Variants in NBEA observed in about 807,000 individuals in gnomAD.
The protein encoded by NBEA is lysosomal-trafficking regulator 2.
NBEA carries 44 observed loss-of-function variants against 343.4 expected under a neutral mutation model. The ratio of observed to expected loss-of-function variants is 0.13; its 90% CI spans 0.10 to 0.16. The LOEUF (loss-of-function observed/expected upper bound fraction) is 0.16. NBEA is among the 10% of genes least tolerant of loss of function. The pLI is 1.00. For missense variants in NBEA, 2,555 were observed against 3,631.3 expected, an observed-to-expected ratio of 0.70 and a Z score of 7.62; for synonymous variants, 1,175 against 1,238.7, an observed-to-expected ratio of 0.95 and a Z score of 1.08.
At chr13:35,332,280 G>A (rs2038970537) in intron 36 of NBEA, among the ~76,000 whole-genome samples, 1 of 152,008 alleles carries the variant, frequency 6.6e-6, no homozygotes, top group Admixed American at 6.6e-5. Context: ...GATTGGGAGA[G>A]GTCTCTTAGC....
In NBEA at chr13:35,159,180, A is replaced by G; in HGVS notation, c.3009A>G (p.Ile1003Met). The G allele has an allele frequency of 6.2e-7, 1 of 1,613,616 alleles. No individual in the cohort carries two copies. Among genetic ancestry groups the G allele is most frequent in the Non-Finnish European group, 8.5e-7 (1 of 1,179,650 alleles). ...GAKGGMEIRE[I>M]EDLSQSQSPE... ...AAGGTGGAATGGAAATTCGAGAGAT[A>G]GAAGATCTTTCACAAAGCCAGAGCC... is the stretch of plus-strand genomic sequence containing the variant. The change falls in exon 22 of 59, where the codon ATA becomes ATG. Residue 1003 changes from isoleucine (I) to methionine (M), a missense_variant. Ile to Met is a conservative substitution (Grantham distance 10, BLOSUM62 1). Transcript: ENST00000379939.
In NBEA at chr13:35,606,471, A is replaced by G. The variant is rs1471684022; in HGVS notation, c.7342A>G (p.Ser2448Gly). The change falls in exon 48 of 59, where the codon AGT becomes GGT. Residue 2448 changes from serine to glycine, a missense_variant. Coordinates refer to ENST00000379939, the MANE Select transcript of NBEA (RefSeq NM_001385012.1). ...CTACCTACCAGAGATGTTTGTCAACAGTAATGGATATAATCTTGGAGTCAG... is the reference window on the plus strand; with the variant it reads ...CTACCTACCAGAGATGTTTGTCAACGGTAATGGATATAATCTTGGAGTCAG... ...FYYLPEMFVN[S>G]NGYNLGVRED... 4 of 1,585,894 alleles carry G rather than the reference A, an allele frequency of 2.5e-6. No homozygotes were observed. Among genetic ancestry groups the G allele is most frequent in the African/African-American group, 1.3e-5 (1 of 74,506 alleles).
At chr13:35,466,090 G>C (rs906516019) in intron 40 of NBEA, among the ~76,000 whole-genome samples, 1 of 152,086 alleles carries the variant, frequency 6.6e-6, no homozygotes, top group African/African-American at 2.4e-5. Flanking sequence ...GTCTGTTTTA[G>C]ACTGTGCTAA....
At chr13:35,344,594 A>G (rs1294601744) in intron 36 of NBEA, among the ~76,000 whole-genome samples, 4 of 152,072 alleles carry the variant, frequency 2.6e-5, no homozygotes, top group African/African-American at 9.6e-5. Flanking sequence ...TATAACCAAA[A>G]CTAATTAGAA....
chr13:35,156,775 A>G (rs1367388779), intron 20 of NBEA, among the ~76,000 whole-genome samples: 1 of 152,198 alleles, frequency 6.6e-6, no homozygotes, highest in Non-Finnish European at 1.5e-5. Context: ...TAAAGCAATG[A>G]TTAATGTATA....
chr13:35,663,405 A>G (rs1432254774), intron 55 of NBEA, among the ~76,000 whole-genome samples: 1 of 152,180 alleles, frequency 6.6e-6, no homozygotes, highest in Non-Finnish European at 1.5e-5. Flanking sequence ...ACTTAACCTC[A>G]TGTCCTTCAG....
intron 10 of NBEA, among the ~76,000 whole-genome samples, chr13:35,091,327 A>T (rs1017458822): frequency 6.6e-6 from 1 of 152,014 alleles, no homozygotes; most frequent in Admixed American, 6.6e-5. Context: ...AGAACTGAAA[A>T]TATCAGGGAT....
intron 1 of NBEA, among the ~76,000 whole-genome samples, chr13:34,953,802 G>A (rs1368630241): frequency 6.6e-6 from 1 of 152,208 alleles, no homozygotes; most frequent in East Asian, 1.9e-4. Flanking sequence ...GTTAGGAACT[G>A]GGCCGCACAG....
At chr13:35,257,078 A>G (rs911988658) in intron 34 of NBEA, among the ~76,000 whole-genome samples, 3 of 152,220 alleles carry the variant, frequency 2.0e-5, no homozygotes, top group Non-Finnish European at 4.4e-5. Context: ...CAGATGGGCC[A>G]CTGCTGCCAT....
Position 34,942,786 on chromosome 13 carries a change from C to A in NBEA, c.-35C>A. 2 of 1,314,804 alleles carry A rather than the reference C, an allele frequency of 1.5e-6. No homozygotes were observed. The highest frequency in any genetic ancestry group is 9.7e-7 in the Non-Finnish European group (1 of 1,033,190). 81.4% of individuals were successfully genotyped at this position (1,314,804 alleles called of 1,614,324 possible). A position where few individuals can be genotyped will look rare whatever the true frequency, so the allele number is the denominator to read the frequency against. ...TATAACGGTACCGGCGGCGGCAGCG[C>A]CGCTGCTCTTCCCTTCTCCTCAGGA... On this transcript the variant is annotated 5_prime_UTR_variant, in exon 1 of 59. Transcript: ENST00000379939.
At chr13:35,016,470 C>G (rs1182689248) in intron 1 of NBEA, among the ~76,000 whole-genome samples, 1 of 151,980 alleles carries the variant, frequency 6.6e-6, no homozygotes, top group African/African-American at 2.4e-5. Context: ...TTGGAGGGGA[C>G]ATTTTCTTGC....
chr13:35,333,125 A>T (rs2039028994), intron 36 of NBEA, among the ~76,000 whole-genome samples: 1 of 152,132 alleles, frequency 6.6e-6, no homozygotes, highest in Non-Finnish European at 1.5e-5. Context: ...ATAAACACTT[A>T]ATGACTAAAT....
rs1398703470 is a variant in NBEA at position 35,030,500 on chromosome 13, T to G, written c.295-10433T>G. 4.6e-5 allele frequency among the ~76,000 whole-genome samples: 7 copies of G among 151,788 alleles called. No individual in the cohort carries two copies. The East Asian group carries it at 1.4e-3, about 29-fold the overall frequency. ...TTATGTGTGACCTTAGTCTTGTTGC[T>G]TAACCTCACTTATCTTCAGTTTCTT... is the stretch of plus-strand genomic sequence containing the variant. On this transcript the variant is annotated intron_variant, in intron 1 of 58. Coordinates refer to ENST00000379939, the MANE Select transcript of NBEA (RefSeq NM_001385012.1).
intron 1 of NBEA, among the ~76,000 whole-genome samples, chr13:34,953,741 C>G (rs910455590): frequency 2.6e-5 from 4 of 152,094 alleles, no homozygotes; most frequent in Non-Finnish European, 5.9e-5. Flanking sequence ...ACTTTTTAAT[C>G]TTGTCATTAT....
intron 1 of NBEA, among the ~76,000 whole-genome samples, chr13:34,944,177 A>C (rs1156674247): frequency 1.3e-5 from 2 of 152,224 alleles, no homozygotes; most frequent in Non-Finnish European, 2.9e-5. Flanking sequence ...GCAAGACATA[A>C]ATCGAGAGCA....
intron 44 of NBEA, among the ~76,000 whole-genome samples, chr13:35,565,302 A>G (rs1466320947): frequency 6.6e-6 from 1 of 152,220 alleles, no homozygotes; most frequent in Non-Finnish European, 1.5e-5. Flanking sequence ...TCATCAATAA[A>G]GTGTTTTCTA....
intron 41 of NBEA, among the ~76,000 whole-genome samples, chr13:35,515,762 A>G (rs959800045): frequency 6.7e-6 from 1 of 149,912 alleles, no homozygotes; most frequent in Non-Finnish European, 1.5e-5. Context: ...TTTTTTTTTT[A>G]AATTTAAATA....
chr13:35,061,243 C>T (rs1216250692), intron 8 of NBEA, among the ~76,000 whole-genome samples: 1 of 151,552 alleles, frequency 6.6e-6, no homozygotes, highest in Admixed American at 6.6e-5. Flanking sequence ...ATATTCTGTA[C>T]TTGGTTATTT....
At chr13:35,461,289 G>A (rs553720499) in intron 40 of NBEA, among the ~76,000 whole-genome samples, 12 of 152,260 alleles carry the variant, frequency 7.9e-5, no homozygotes, top group Middle Eastern at 3.4e-3. Flanking sequence ...TTCACAAACC[G>A]TACTCATAAG....
Sources: allele counts gnomAD v4.1 joint callset (sites outside exome capture counted in the v4.1 genomes callset), GRCh38; gene constraint gnomAD v4.1.1; transcripts MANE v1.5; gene names NCBI Gene and HGNC (gene_info 2026-07-23, HGNC 2026-07-21).